The following RFC3 variants were observed in gnomAD, a reference collection of about 807,000 sequenced individuals.
RFC3 encodes replication factor C subunit 3.
Under a neutral mutation model 45.1 loss-of-function variants are expected in RFC3, and 41 were observed. The observed-to-expected ratio is 0.91, with a 90% CI of 0.71 to 1.18. The LOEUF is 1.18. RFC3 is among the 50% of genes most tolerant of loss of function. RFC3 has a pLI of 0.00. For missense variants in RFC3, 423 were observed against 428.1 expected, an observed-to-expected ratio of 0.99 and a Z score of 0.10; for synonymous variants, 149 against 144.0, an observed-to-expected ratio of 1.03 and a Z score of -0.25.
chr13:33,822,580 A>C (rs887206491), intron 2 of RFC3, among the ~76,000 whole-genome samples: 1 of 152,166 alleles, frequency 6.6e-6, no homozygotes, highest in African/African-American at 2.4e-5. Context: ...CTGGAAAGAG[A>C]GCTTAGAAAT....
intron 8 of RFC3, 50 bp from the exon 9 acceptor site, chr13:33,836,054 C>T: frequency 6.5e-7 from 1 of 1,544,038 alleles, no homozygotes; most frequent in Non-Finnish European, 8.8e-7. Flanking sequence ...ATAAGGCATG[C>T]TTAGCTGTTT....
intron 8 of RFC3, among the ~76,000 whole-genome samples, chr13:33,943,719 T>C (rs1379758869): frequency 4.6e-5 from 7 of 152,192 alleles, no homozygotes; most frequent in Admixed American, 4.6e-4. Flanking sequence ...ATTTATTCTC[T>C]TGAATCTGTA....
intron 8 of RFC3, among the ~76,000 whole-genome samples, chr13:33,919,581 T>C (rs1566028379): frequency 6.6e-6 from 1 of 152,164 alleles, no homozygotes; most frequent in Admixed American, 6.6e-5. Flanking sequence ...TTGGCTTGTT[T>C]TTTTATTTTA....
intron 7 of RFC3, among the ~76,000 whole-genome samples, chr13:33,833,829 T>G (rs1443757881): frequency 6.6e-6 from 1 of 152,124 alleles, no homozygotes; most frequent in Non-Finnish European, 1.5e-5. Flanking sequence ...AATACACAAG[T>G]CTTGATGGAA....
At chr13:33,825,084 G>T (rs2139388801) in intron 3 of RFC3, among the ~76,000 whole-genome samples, 1 of 152,256 alleles carries the variant, frequency 6.6e-6, no homozygotes, top group South Asian at 2.1e-4. Context: ...GCATAGATAA[G>T]CAATTGGAGA....
At chr13:33,951,203 T>G (rs2082988520) in intron 8 of RFC3, among the ~76,000 whole-genome samples, 1 of 151,818 alleles carries the variant, frequency 6.6e-6, no homozygotes, top group Non-Finnish European at 1.5e-5. Context: ...TTAAGTGCTC[T>G]TTGCATATCA....
At chr13:33,917,525 AT>A (rs1286746248) in intron 8 of RFC3, among the ~76,000 whole-genome samples, 1 of 152,054 alleles carries the variant, frequency 6.6e-6, no homozygotes, top group Non-Finnish European at 1.5e-5. Flanking sequence ...CAGCAGTGCC[AT>A]TTTGGTTCCT....
chr13:33,844,492 G>A (rs911193508), intron 8 of RFC3, among the ~76,000 whole-genome samples: 3 of 151,520 alleles, frequency 2.0e-5, no homozygotes, highest in Admixed American at 6.6e-5. Flanking sequence ...GCCTGCTTAC[G>A]TGATTTTCTC....
In RFC3 at chr13:33,818,226, G is replaced by T; in HGVS notation, c.48G>T (p.Leu16=). Residue 16 remains leucine, a synonymous_variant, in exon 1 of 9, where the codon CTG becomes CTT. Transcript: ENST00000380071. The part of the protein sequence containing the change: ...DKYRPCSLGR[L]DYHKEQAAQL... ...ATCGGCCCTGCTCCTTGGGACGGCTGGACTATCACAAGGAGCAGGCGGCCC... is the reference window on the plus strand; with the variant it reads ...ATCGGCCCTGCTCCTTGGGACGGCTTGACTATCACAAGGAGCAGGCGGCCC... The T allele has an allele frequency of 6.2e-7, 1 of 1,613,614 alleles. No individual in the cohort carries two copies. Among genetic ancestry groups the T allele is most frequent in the Non-Finnish European group, 8.5e-7 (1 of 1,179,962 alleles).
Position 33,836,470 on chromosome 13 carries a change from T to C in RFC3, c.*175T>C. 3 of 1,384,304 alleles carry C rather than the reference T, an allele frequency of 2.2e-6. No individual in the cohort carries two copies. The highest frequency in any genetic ancestry group is 2.8e-6 in the Non-Finnish European group (3 of 1,068,214). 85.8% of individuals were successfully genotyped at this position (1,384,304 alleles called of 1,614,324 possible). On this transcript the variant is annotated 3_prime_UTR_variant, in exon 9 of 9. Coordinates refer to ENST00000380071, the MANE Select transcript of RFC3 (RefSeq NM_002915.4). ...CTGAGTTAAATAATTGCTCCTATAC[T>C]ATTGAAGTATGTAGTTTTGTACATA...
intron 8 of RFC3, among the ~76,000 whole-genome samples, chr13:33,861,368 CTGTAA>C (rs2082339844): frequency 6.6e-6 from 1 of 152,060 alleles, no homozygotes; most frequent in Non-Finnish European, 1.5e-5. Context: ...TGGCTCATGC[CTGTAA>C]TCCCAGCACT....
chr13:33,950,574 GC>G (rs1333409537), intron 8 of RFC3, among the ~76,000 whole-genome samples: 3 of 152,166 alleles, frequency 2.0e-5, no homozygotes, highest in Non-Finnish European at 2.9e-5. Context: ...GCTTGCCCCA[GC>G]CATGTTCCCT....
Position 33,936,238 on chromosome 13 carries a change from G to A in RFC3, c.880-29849G>A, listed in dbSNP as rs1593704177. Among the ~76,000 whole-genome samples, 2 of 152,244 alleles carry A rather than the reference G, an allele frequency of 1.3e-5. 1 individual carries two copies. The highest frequency in any genetic ancestry group is 4.8e-5 in the African/African-American group (2 of 41,548). ...TAATAACAGGTAACCCAGGTGGCAG[G>A]TGAGGGTTACTATCAGGTGGGCACA... On this transcript the variant is annotated intron_variant, in intron 8 of 8. Coordinates refer to the RFC3 transcript ENST00000434425.
intron 8 of RFC3, among the ~76,000 whole-genome samples, chr13:33,864,453 T>A (rs747889681): frequency 3.3e-5 from 5 of 152,186 alleles, no homozygotes; most frequent in Non-Finnish European, 5.9e-5. Context: ...GTTCTTGGAT[T>A]TTTTAGTTAG....
intron 8 of RFC3, among the ~76,000 whole-genome samples, chr13:33,877,477 C>T (rs1348786596): frequency 6.6e-6 from 1 of 152,118 alleles, no homozygotes; most frequent in East Asian, 1.9e-4. Flanking sequence ...AAGAACCTGA[C>T]ACTTTGATAT....
intron 8 of RFC3, among the ~76,000 whole-genome samples, chr13:33,915,316 C>T (rs1257009061): frequency 6.6e-6 from 1 of 152,130 alleles, no homozygotes; most frequent in Non-Finnish European, 1.5e-5. Context: ...AATGCCAGTA[C>T]ACTTGCACCC....
intron 8 of RFC3, 83 bp downstream of exon 8, chr13:33,835,300 C>A (rs1374093821): frequency 1.2e-6 from 1 of 826,824 alleles, no homozygotes; most frequent in Non-Finnish European, 2.1e-6. Context: ...TTTGCAGTAT[C>A]AAGATATCAC....
At chr13:33,906,465 A>G (rs947340304) in intron 8 of RFC3, among the ~76,000 whole-genome samples, 1 of 151,960 alleles carries the variant, frequency 6.6e-6, no homozygotes, top group Admixed American at 6.6e-5. Context: ...TCATGTAGAC[A>G]CTACCTATTC....
At chr13:33,840,970 C>G (rs1195025000), downstream of RFC3, among the ~76,000 whole-genome samples, 3 of 152,170 alleles carry the variant, frequency 2.0e-5, no homozygotes, top group African/African-American at 7.2e-5. Flanking sequence ...TTCAGGGGTC[C>G]TCAGCCCCCT....
Sources: gnomAD v4.1 joint callset for allele counts (sites outside exome capture counted in the v4.1 genomes callset) on GRCh38, gnomAD v4.1.1 for gene constraint, MANE v1.5 for transcripts, NCBI Gene and HGNC (gene_info 2026-07-23, HGNC 2026-07-21) for gene names.